The following TCF12 variants were observed in gnomAD, a reference collection of about 807,000 sequenced individuals.
The protein encoded by TCF12 is transcription factor 12.
In TCF12, 45 loss-of-function variants were observed where a neutral mutation model predicts 86.0. The ratio of observed to expected loss-of-function variants is 0.52; its 90% CI spans 0.41 to 0.67. The LOEUF (loss-of-function observed/expected upper bound fraction) is 0.67, where lower values mean the gene tolerates loss of function less well. TCF12 is among the 30% of genes least tolerant of loss of function. The pLI, the probability that TCF12 is intolerant of heterozygous loss-of-function variation, is 0.00. For synonymous variants in TCF12, 330 were observed against 299.6 expected (o/e 1.10, Z -1.05); for missense variants, 881 against 859.9 (o/e 1.02, Z -0.31).
chr15:57,160,194 A>C (rs752351134), intron 5 of TCF12, among the ~76,000 whole-genome samples: 1 of 152,192 alleles, frequency 6.6e-6, no homozygotes, highest in Non-Finnish European at 1.5e-5. Flanking sequence ...GGTAATTTTT[A>C]AAGGAAAGAG....
chr15:57,234,199 T>C, intron 12 of TCF12, 92 bp downstream of exon 12: 2 of 982,442 alleles, frequency 2.0e-6, no homozygotes, highest in South Asian at 2.7e-5. Context: ...CTAAAGAGTA[T>C]AGATGTAACA....
chr15:56,933,552 G>A (rs1472122816), intron 3 of TCF12, among the ~76,000 whole-genome samples: 8 of 152,146 alleles, frequency 5.3e-5, no homozygotes, highest in African/African-American at 1.9e-4. Context: ...TACTAGATAT[G>A]TGATCCTAGG....
intron 5 of TCF12, among the ~76,000 whole-genome samples, chr15:57,142,479 A>G (rs1380591268): frequency 6.6e-6 from 1 of 152,266 alleles, no homozygotes; most frequent in East Asian, 1.9e-4. Flanking sequence ...AAGCCAGGCT[A>G]AAGGGGCTCC....
At chr15:56,918,270 G>C (rs2059592378), upstream of TCF12, 1 of 456,150 alleles carries the variant, frequency 2.2e-6, no homozygotes, top group Non-Finnish European at 4.4e-6. Flanking sequence ...GACCTGGGCA[G>C]CGGATCCAGA....
intron 3 of TCF12, among the ~76,000 whole-genome samples, chr15:57,024,049 C>T (rs2065662346): frequency 6.6e-6 from 1 of 152,062 alleles, no homozygotes. Context: ...ACTGTGGAGC[C>T]TGGTTCCTAA....
At chr15:57,031,780 G>A (rs2066205219) in intron 3 of TCF12, among the ~76,000 whole-genome samples, 1 of 152,170 alleles carries the variant, frequency 6.6e-6, no homozygotes, top group African/African-American at 2.4e-5. Context: ...TGTGAGAAAG[G>A]ATGAAAAGCT....
At chr15:57,096,790 CTG>C (rs1488697252) in intron 5 of TCF12, among the ~76,000 whole-genome samples, 1 of 152,126 alleles carries the variant, frequency 6.6e-6, no homozygotes. Flanking sequence ...AGAGGGCAGA[CTG>C]TATATATTGT....
chr15:57,075,800 T>TCTCTCTCTC (rs1567370475), intron 4 of TCF12, among the ~76,000 whole-genome samples: 10 of 20,496 alleles, frequency 4.9e-4, no homozygotes, highest in East Asian at 2.6e-3. Flanking sequence ...CTTTCTTTCT[T>TCTCTCTCTC]TCTTTCTCTC....
At chr15:57,177,770 G>T (rs2056058455) in intron 6 of TCF12, among the ~76,000 whole-genome samples, 1 of 151,744 alleles carries the variant, frequency 6.6e-6, no homozygotes, top group Non-Finnish European at 1.5e-5. Flanking sequence ...ACCCAGGGCG[G>T]AGTGCAGTGG....
At chr15:57,121,565 C>G (rs1198033333) in intron 5 of TCF12, among the ~76,000 whole-genome samples, 2 of 152,122 alleles carry the variant, frequency 1.3e-5, no homozygotes, top group African/African-American at 2.4e-5. Context: ...ACTCTTCTAC[C>G]CTGTGAGGAC....
chr15:56,952,840 T>G (rs1417710021), intron 3 of TCF12, among the ~76,000 whole-genome samples: 5 of 152,172 alleles, frequency 3.3e-5, no homozygotes, highest in African/African-American at 1.2e-4. Context: ...TGCTTTCCAA[T>G]CTGGATGCCT....
chr15:57,126,798 A>G (rs2051685087), intron 5 of TCF12, among the ~76,000 whole-genome samples: 3 of 152,196 alleles, frequency 2.0e-5, no homozygotes, highest in Non-Finnish European at 4.4e-5. Context: ...GAAATTTTCT[A>G]TGACAAGGCA....
chr15:56,962,447 A>G lies in TCF12; in HGVS notation c.148+41349A>G, dbSNP rs58916107. ...CTTTAGAGTTACTGATCTTCAATTC[A>G]TGTTGGACAGCTTCCTTTGAAGAGA... On this transcript the variant is annotated intron_variant, in intron 3 of 20. Coordinates refer to ENST00000333725, the MANE Select transcript of TCF12 (RefSeq NM_207037.2). Among the ~76,000 whole-genome samples the G allele has an allele frequency of 2.6e-5, 4 of 152,272 alleles. No individual in the cohort carries two copies. In the East Asian group the frequency reaches 7.7e-4, roughly 29 times the overall value.
At chr15:56,954,336 A>T (rs1270132968) in intron 3 of TCF12, among the ~76,000 whole-genome samples, 2 of 152,216 alleles carry the variant, frequency 1.3e-5, no homozygotes, top group Non-Finnish European at 2.9e-5. Context: ...TCCCTGTTTA[A>T]TAAGTGGTGC....
intron 8 of TCF12, among the ~76,000 whole-genome samples, chr15:57,220,588 C>CT (rs1462694082): frequency 1.3e-5 from 2 of 152,048 alleles, no homozygotes; most frequent in African/African-American, 4.8e-5. Flanking sequence ...TAAAATAATA[C>CT]TTTTTTGTTT....
At chr15:57,038,965 GTGAA>G (rs2066704018) in intron 3 of TCF12, among the ~76,000 whole-genome samples, 1 of 152,246 alleles carries the variant, frequency 6.6e-6, no homozygotes, top group African/African-American at 2.4e-5. Context: ...TTTTCCTTGT[GTGAA>G]TGAGGAAAAA....
chr15:57,091,380 A>G (rs1406505470), intron 4 of TCF12, among the ~76,000 whole-genome samples: 1 of 152,210 alleles, frequency 6.6e-6, no homozygotes, highest in Admixed American at 6.5e-5. Flanking sequence ...CTAATTTATT[A>G]CAACTGAGAA....
intron 4 of TCF12, among the ~76,000 whole-genome samples, chr15:57,073,868 C>G (rs556195790): frequency 6.6e-6 from 1 of 152,144 alleles, no homozygotes; most frequent in East Asian, 1.9e-4. Context: ...CCTGCCTCAG[C>G]CTCCCGAGTA....
At chr15:57,232,660 G>A (rs1349341412) in intron 10 of TCF12, 52 bp from the exon 11 acceptor site, 36 of 1,558,444 alleles carry the variant, frequency 2.3e-5, no homozygotes, top group Non-Finnish European at 3.0e-5. Flanking sequence ...TCCATTTTAT[G>A]TGAATATTAT....
Sources: allele counts gnomAD v4.1 joint callset (sites outside exome capture counted in the v4.1 genomes callset), GRCh38; gene constraint gnomAD v4.1.1; transcripts MANE v1.5; gene names NCBI Gene and HGNC (gene_info 2026-07-23, HGNC 2026-07-21).